The following THSD7B variants were observed in gnomAD, a reference collection of about 807,000 sequenced individuals.
The protein encoded by THSD7B is thrombospondin type 1 domain containing 7B.
A neutral mutation model predicts 213.6 loss-of-function variants in THSD7B; 138 were observed. That is an observed-to-expected ratio of 0.65 (90% CI 0.56 to 0.74). The LOEUF (loss-of-function observed/expected upper bound fraction) is 0.74. Among genes scored for constraint, THSD7B ranks in the 30% least tolerant of loss-of-function variants. The pLI is 0.00. For synonymous variants in THSD7B, 742 were observed against 687.0 expected (o/e 1.08, Z -1.25); for missense variants, 1,931 against 1,991.5 (o/e 0.97, Z 0.58).
chr2:137,187,500 G>A (rs1472763736), intron 7 of THSD7B, among the ~76,000 whole-genome samples: 1 of 152,196 alleles, frequency 6.6e-6, no homozygotes, highest in Non-Finnish European at 1.5e-5. Context: ...AACCATGTTT[G>A]TAATCTTGAA....
chr2:137,126,108 G>C (rs982589974), intron 5 of THSD7B, among the ~76,000 whole-genome samples: 1 of 152,096 alleles, frequency 6.6e-6, no homozygotes, highest in Non-Finnish European at 1.5e-5. Context: ...GGATTTTTTG[G>C]AATGGTGAAT....
At chr2:137,013,508 T>C (rs1454396865) in intron 2 of THSD7B, among the ~76,000 whole-genome samples, 2 of 152,126 alleles carry the variant, frequency 1.3e-5, no homozygotes, top group Non-Finnish European at 2.9e-5. Context: ...GTTCCAGAGG[T>C]GGGCAGAGGG....
At chr2:137,008,954 T>C (rs897814319) in intron 2 of THSD7B, among the ~76,000 whole-genome samples, 1 of 152,228 alleles carries the variant, frequency 6.6e-6, no homozygotes, top group African/African-American at 2.4e-5. Flanking sequence ...TAAAAATGCT[T>C]TGACAGTCTC....
chr2:137,033,705 C>T (rs1003644694), intron 2 of THSD7B, among the ~76,000 whole-genome samples: 10 of 152,084 alleles, frequency 6.6e-5, no homozygotes, highest in African/African-American at 1.4e-4. Flanking sequence ...CTCTGCCTCC[C>T]GGGTTCAAGC....
At position 137,522,570 on chromosome 2, in the gene THSD7B, A is replaced by G. The variant is rs139638613; in HGVS notation, c.3139-40651A>G. On this transcript the variant is annotated intron_variant, in intron 15 of 27. Coordinates refer to ENST00000409968, the MANE Select transcript of THSD7B (RefSeq NM_001316349.2). Reference sequence around the variant, plus strand: ...TCCTTTTTCTTGGAATGGAGAGGGAAGAGTAAATGTGAGGGAACTGTGGAA... The same window carrying G: ...TCCTTTTTCTTGGAATGGAGAGGGAGGAGTAAATGTGAGGGAACTGTGGAA... Among the ~76,000 whole-genome samples the G allele has an allele frequency of 4.7e-3, 716 of 152,084 alleles. 4 individuals are homozygous for G. Among genetic ancestry groups the G allele is most frequent in the African/African-American group, 0.016 (682 of 41,476 alleles).
chr2:136,907,165 G>A (rs522223), intron 2 of THSD7B, among the ~76,000 whole-genome samples: 64,994 of 151,296 alleles, frequency 0.43, 15,503 homozygotes, highest in Non-Finnish European at 0.55. Context: ...GGCTGGCCTC[G>A]AACTCCTGAC....
chr2:137,313,644 C>G (rs544277456), intron 12 of THSD7B, among the ~76,000 whole-genome samples: 1 of 151,900 alleles, frequency 6.6e-6, no homozygotes, highest in African/African-American at 2.4e-5. Context: ...GTGGCTGGTA[C>G]TGGTTGTTCC....
chr2:137,021,860 T>C (rs1213800409), intron 2 of THSD7B, among the ~76,000 whole-genome samples: 1 of 152,212 alleles, frequency 6.6e-6, no homozygotes, highest in Admixed American at 6.5e-5. Flanking sequence ...CTGAGTCTAG[T>C]GTCTTTCACT....
At chr2:137,517,707 A>G (rs900827894) in intron 15 of THSD7B, among the ~76,000 whole-genome samples, 13 of 152,200 alleles carry the variant, frequency 8.5e-5, no homozygotes, top group Non-Finnish European at 1.8e-4. Flanking sequence ...CTTGGGCCAT[A>G]TGACTCAGCA....
intron 21 of THSD7B, among the ~76,000 whole-genome samples, chr2:137,644,501 A>T (rs186139885): frequency 1.3e-5 from 2 of 152,280 alleles, no homozygotes; most frequent in East Asian, 3.9e-4. Context: ...GCAGAGGTGC[A>T]AGAGAAAGGG....
chr2:137,294,725 G>A (rs2104837865), intron 12 of THSD7B, among the ~76,000 whole-genome samples: 1 of 151,786 alleles, frequency 6.6e-6, no homozygotes, highest in East Asian at 1.9e-4. Context: ...TTTATCATAG[G>A]TATGTATGTA....
intron 2 of THSD7B, among the ~76,000 whole-genome samples, chr2:137,009,161 T>A (rs1307082970): frequency 1.3e-5 from 2 of 152,194 alleles, no homozygotes; most frequent in Non-Finnish European, 2.9e-5. Flanking sequence ...AAGCATAGTT[T>A]GCCTCTGGTG....
At chr2:137,664,578 A>G (rs1017593733) in intron 26 of THSD7B, among the ~76,000 whole-genome samples, 8 of 152,210 alleles carry the variant, frequency 5.3e-5, no homozygotes, top group African/African-American at 1.9e-4. Flanking sequence ...CTGGTTGTAC[A>G]GCATGAAATG....
rs541142163 is a variant in THSD7B at position 137,124,217 on chromosome 2, C to T, written c.1369+8924C>T. ...ATTTTGTCAGCTGAACTGGATTTTTCTCAAACACAAAGCCAAGAGGTAATG... is the reference window on the plus strand; with the variant it reads ...ATTTTGTCAGCTGAACTGGATTTTTTTCAAACACAAAGCCAAGAGGTAATG... On this transcript the variant is annotated intron_variant, in intron 5 of 27. Transcript: ENST00000409968. Among the ~76,000 whole-genome samples the T allele has an allele frequency of 8.7e-4, 132 of 152,310 alleles. 2 individuals carry two copies. Among genetic ancestry groups the T allele is most frequent in the African/African-American group, 3.1e-3 (128 of 41,574 alleles).
intron 27 of THSD7B, among the ~76,000 whole-genome samples, chr2:137,674,397 A>T (rs191123553): frequency 2.6e-5 from 4 of 152,224 alleles, no homozygotes; most frequent in East Asian, 3.9e-4. Flanking sequence ...TGCCATTAAG[A>T]CAACCCACCC....
chr2:137,236,873 G>A (rs1192262808), intron 9 of THSD7B, among the ~76,000 whole-genome samples: 1 of 152,166 alleles, frequency 6.6e-6, no homozygotes, highest in African/African-American at 2.4e-5. Flanking sequence ...CACTTTGGGA[G>A]GCCGAGGCAG....
intron 7 of THSD7B, among the ~76,000 whole-genome samples, chr2:137,223,351 T>C (rs959989175): frequency 1.3e-5 from 2 of 152,132 alleles, no homozygotes; most frequent in South Asian, 2.1e-4. Flanking sequence ...ACCAGCAAAA[T>C]TCACACAACA....
At position 137,646,953 on chromosome 2, in the gene THSD7B, C is replaced by T. The variant is rs138632397; in HGVS notation, c.3945+4320C>T. On this transcript the variant is annotated intron_variant, in intron 21 of 27. Coordinates refer to ENST00000409968, the MANE Select transcript of THSD7B (RefSeq NM_001316349.2). ...CCAAGTTGCCCTTTTTCTTTTGTGC[C>T]GGTATGTCTTTGAGTCACAACTTCT... Among the ~76,000 whole-genome samples the T allele has an allele frequency of 4.4e-3, 668 of 152,076 alleles. 4 individuals are homozygous for T. The highest frequency in any genetic ancestry group is 0.01 in the Middle Eastern group (3 of 294).
chr2:137,193,310 A>C (rs1680696496), intron 7 of THSD7B, among the ~76,000 whole-genome samples: 1 of 152,184 alleles, frequency 6.6e-6, no homozygotes, highest in Non-Finnish European at 1.5e-5. Flanking sequence ...TAAATTGATA[A>C]TTTATAATTG....
Sources: allele counts gnomAD v4.1 joint callset (sites outside exome capture counted in the v4.1 genomes callset), GRCh38; gene constraint gnomAD v4.1.1; transcripts MANE v1.5; gene names NCBI Gene and HGNC (gene_info 2026-07-23, HGNC 2026-07-21).